MMRN1: variants seen among roughly 807,000 people sequenced by gnomAD.
MMRN1 encodes the protein multimerin 1, also known as multimerin-1.
In MMRN1, 94 loss-of-function variants were observed where a neutral mutation model predicts 100.7. The ratio of observed to expected loss-of-function variants is 0.93; its 90% CI spans 0.79 to 1.11. The LOEUF is 1.11. MMRN1 is among the 50% of genes least tolerant of loss of function. The pLI is 0.00. For synonymous variants in MMRN1, 575 were observed against 505.0 expected (o/e 1.14, Z -1.86); for missense variants, 1,606 against 1,439.1 (o/e 1.12, Z -1.88).
chr4:89,901,522 A>G lies in MMRN1; in HGVS notation c.623+5928A>G, dbSNP rs145650971. 3.3e-3 allele frequency among the ~76,000 whole-genome samples: 495 copies of G among 152,194 alleles called. 5 individuals carry two copies. Among genetic ancestry groups the G allele is most frequent in the African/African-American group, 0.011 (475 of 41,554 alleles). ...TATGAATAGGTTTTAGAAGTGAATT[A>G]TCTGATCAGCTAAATTCTTGTGTTG... On this transcript the variant is annotated intron_variant, in intron 1 of 7. Coordinates refer to ENST00000264790, the MANE Select transcript of MMRN1 (RefSeq NM_007351.3).
At chr4:89,902,880 T>A (rs190168525) in intron 1 of MMRN1, among the ~76,000 whole-genome samples, 4 of 152,114 alleles carry the variant, frequency 2.6e-5, no homozygotes, top group African/African-American at 9.6e-5. Context: ...GATATTTTTA[T>A]CTCAGTTTGA....
upstream of MMRN1, among the ~76,000 whole-genome samples, chr4:89,890,636 C>T (rs937418954): frequency 6.6e-6 from 1 of 152,096 alleles, no homozygotes; most frequent in African/African-American, 2.4e-5. Context: ...CCAGATACAG[C>T]TTTCCATTAA....
At chr4:89,881,054 G>C (rs1720804237) in intron 1 of MMRN1, among the ~76,000 whole-genome samples, 1 of 152,134 alleles carries the variant, frequency 6.6e-6, no homozygotes, top group African/African-American at 2.4e-5. Context: ...TAAGGCATTT[G>C]TTGGCTCCTT....
At position 89,912,084 on chromosome 4, in the gene MMRN1, C is replaced by CAAT. The variant is rs773625667; in HGVS notation, c.850+37_850+39dup. The CAAT allele has an allele frequency of 2.1e-5, 29 of 1,371,934 alleles. No individual in the cohort carries two copies. In the East Asian group the frequency reaches 3.3e-4, roughly 16 times the overall value. 85.0% of individuals were successfully genotyped at this position (1,371,934 alleles called of 1,614,324 possible). On this transcript the variant is annotated intron_variant, in intron 3 of 7. Transcript: ENST00000264790. ...TAATATTAATAATCACAATTCTGAACAATAAGAAACTGATTCTATTGAAGA... is the reference window on the plus strand; with the variant it reads ...TAATATTAATAATCACAATTCTGAACAATAATAAGAAACTGATTCTATTGAAGA...
At position 89,938,388 on chromosome 4, in the gene MMRN1, G is replaced by C. The variant is rs1180633028; in HGVS notation, c.3118+1590G>C. On this transcript the variant is annotated intron_variant, in intron 6 of 7. Transcript: ENST00000264790. ...TTTTTTCCATACTATTTCCATTATT[G>C]GTCTTCATGTGGACACTTCATCATG... 3.4e-5 allele frequency among the ~76,000 whole-genome samples: 5 copies of C among 147,712 alleles called. No homozygotes were observed. The South Asian group carries it at 8.5e-4, about 25-fold the overall frequency.
intron 5 of MMRN1, among the ~76,000 whole-genome samples, chr4:89,932,368 G>T (rs944942487): frequency 1.3e-5 from 2 of 152,122 alleles, no homozygotes; most frequent in African/African-American, 4.8e-5. Flanking sequence ...TTTTTCTCAT[G>T]CACAGTGCAA....
intron 5 of MMRN1, among the ~76,000 whole-genome samples, chr4:89,933,097 G>A (rs1722493729): frequency 6.6e-6 from 1 of 152,126 alleles, no homozygotes; most frequent in African/African-American, 2.4e-5. Context: ...ACTCTCTGCT[G>A]CTTAGAAATT....
intron 3 of MMRN1, among the ~76,000 whole-genome samples, chr4:89,917,091 G>A (rs1183913794): frequency 6.6e-6 from 1 of 151,030 alleles, no homozygotes; most frequent in African/African-American, 2.4e-5. Flanking sequence ...ACACATCCTC[G>A]TGTGTGTGTT....
intron 3 of MMRN1, among the ~76,000 whole-genome samples, chr4:89,913,847 C>G (rs1721830689): frequency 6.6e-6 from 1 of 151,314 alleles, no homozygotes; most frequent in Non-Finnish European, 1.5e-5. Context: ...TGAAAGGCCT[C>G]TTTTCTACGG....
chr4:89,887,624 C>A (rs992633179), intron 1 of MMRN1, among the ~76,000 whole-genome samples: 1 of 152,006 alleles, frequency 6.6e-6, no homozygotes, highest in African/African-American at 2.4e-5. Context: ...TGAGTATTTT[C>A]TAAATATTCC....
In MMRN1 at chr4:89,911,978, C is replaced by T; in HGVS notation, c.778C>T (p.Gln260Ter). The change falls in exon 3 of 8, where the codon CAA (glutamine) becomes TAA (stop). Residue 260 changes from glutamine (Q) to a stop codon, truncating the protein, a stop_gained. Transcript: ENST00000264790. LOFTEE classifies it high-confidence loss of function. Reference protein sequence around the residue: ...QKISNPVYRMQHKIVTSLDWR... With the variant: ...QKISNPVYRM ...GATATCCAATCCTGTCTATAGGATG[C>T]AACATAAAATTGTCACCTCATTGGA... 1 of 1,603,946 alleles carries T rather than the reference C, an allele frequency of 6.2e-7. No individual in the cohort carries two copies. The highest frequency in any genetic ancestry group is 8.5e-7 in the Non-Finnish European group (1 of 1,173,856).
At chr4:89,945,846 C>A (rs557287438) in intron 6 of MMRN1, among the ~76,000 whole-genome samples, 1 of 151,934 alleles carries the variant, frequency 6.6e-6, no homozygotes, top group Non-Finnish European at 1.5e-5. Flanking sequence ...TCCCAGAAAA[C>A]AATATAAGAA....
chr4:89,939,011 C>T (rs1346715947), intron 6 of MMRN1, among the ~76,000 whole-genome samples: 1 of 152,000 alleles, frequency 6.6e-6, no homozygotes, highest in Non-Finnish European at 1.5e-5. Context: ...GCCATACTTC[C>T]ATGGGCCATA....
intron 1 of MMRN1, among the ~76,000 whole-genome samples, chr4:89,908,926 G>C (rs1173587786): frequency 6.6e-6 from 1 of 151,200 alleles, no homozygotes; most frequent in African/African-American, 2.4e-5. Context: ...TAAAGTAATG[G>C]ACCCGGATCT....
chr4:89,901,337 T>G (rs1721380891), intron 1 of MMRN1, among the ~76,000 whole-genome samples: 1 of 152,008 alleles, frequency 6.6e-6, no homozygotes, highest in African/African-American at 2.4e-5. Context: ...AGGGATTTTT[T>G]TTCTGAGTTT....
intron 1 of MMRN1, among the ~76,000 whole-genome samples, chr4:89,906,932 C>T (rs116311010): frequency 0.015 from 2,328 of 151,446 alleles, 36 homozygotes; most frequent in Middle Eastern, 0.061. Flanking sequence ...TATCATTTTG[C>T]CTCACAGAGA....
chr4:89,881,676 G>A (rs116026417), intron 1 of MMRN1, among the ~76,000 whole-genome samples: 2,965 of 151,936 alleles, frequency 0.02, 85 homozygotes, highest in African/African-American at 0.068. Context: ...TGTTACTACA[G>A]CTCTGGTATT....
chr4:89,936,264 T>C lies in MMRN1; in HGVS notation c.2584T>C (p.Leu862=). Residue 862 remains leucine, a synonymous_variant, in exon 6 of 8, where the codon TTG becomes CTG. Transcript: ENST00000264790. ...TKISKNFETR[L]QDIESKVTQT... is the part of the protein sequence containing the mutation. ...GATTTCCAAAAATTTTGAGACTCGG[T>C]TGCAAGACATTGAGTCTAAAGTTAC... The C allele has an allele frequency of 6.2e-7, 1 of 1,605,960 alleles. No homozygotes were observed. The highest frequency in any genetic ancestry group is 8.5e-7 in the Non-Finnish European group (1 of 1,177,890).
At chr4:89,926,859 T>C (rs1469136017) in intron 4 of MMRN1, among the ~76,000 whole-genome samples, 1 of 152,142 alleles carries the variant, frequency 6.6e-6, no homozygotes, top group Non-Finnish European at 1.5e-5. Context: ...GGACATCCAA[T>C]TTCCCCAGCA....
Sources: allele counts gnomAD v4.1 joint callset (sites outside exome capture counted in the v4.1 genomes callset), GRCh38; gene constraint gnomAD v4.1.1; transcripts MANE v1.5; gene names NCBI Gene and HGNC (gene_info 2026-07-23, HGNC 2026-07-21).